DAP: variants seen among roughly 807,000 people sequenced by gnomAD.
DAP encodes death associated protein.
In DAP, 8 loss-of-function variants were observed where a neutral mutation model predicts 13.8. That is an observed-to-expected ratio of 0.58 (90% CI 0.34 to 1.05). The LOEUF (loss-of-function observed/expected upper bound fraction) is 1.05. DAP is among the 50% of genes least tolerant of loss of function. The pLI, the probability that DAP is intolerant of heterozygous loss-of-function variation, is 0.03. For missense variants in DAP, 106 were observed against 133.2 expected (o/e 0.80, Z 1.01); for synonymous variants, 47 against 47.5 (o/e 0.99, Z 0.04).
At chr5:10,759,045 G>A (rs1374786583) in intron 1 of DAP, among the ~76,000 whole-genome samples, 1 of 152,196 alleles carries the variant, frequency 6.6e-6, no homozygotes, top group Non-Finnish European at 1.5e-5. Context: ...AAATCAGCCA[G>A]GTGTGGTGGC....
chr5:10,693,164 GTA>G (rs1738349466), intron 2 of DAP, among the ~76,000 whole-genome samples: 3 of 150,854 alleles, frequency 2.0e-5, no homozygotes, highest in South Asian at 2.1e-4. Context: ...GTGCGTAGTA[GTA>G]GTGAAACTGG....
chr5:10,759,438 CA>C lies in DAP; in HGVS notation c.55+1575del, dbSNP rs374163475. ...CAGTTATCCTTAAAAGAAATCCCAT[CA>C]AAAAAAAAACTCCCTTTGAAGTACT... On this transcript the variant is annotated intron_variant, in intron 1 of 3. Coordinates refer to ENST00000230895, the MANE Select transcript of DAP (RefSeq NM_004394.3). Among the ~76,000 whole-genome samples the C allele has an allele frequency of 2.9e-3, 431 of 148,196 alleles. 2 individuals are homozygous for C. Among genetic ancestry groups the C allele is most frequent in the African/African-American group, 9.9e-3 (399 of 40,464 alleles).
chr5:10,750,095 C>T (rs1740009108), intron 1 of DAP, among the ~76,000 whole-genome samples: 1 of 152,146 alleles, frequency 6.6e-6, no homozygotes, highest in Non-Finnish European at 1.5e-5. Flanking sequence ...GTGGGCCTTA[C>T]TGAGCTTTAC....
chr5:10,680,750 T>G lies in DAP; in HGVS notation c.*306A>C. 6.5e-7 allele frequency: 1 copy of G among 1,536,488 alleles called. No individual in the cohort carries two copies. The highest frequency in any genetic ancestry group is 1.2e-5 in the South Asian group (1 of 84,064). ...GTTTTTAAGACCATAGACAAGGACG[T>G]CAGGTGACTGCTGAAATAGAACTAA... is the stretch of plus-strand genomic sequence containing the variant. On this transcript the variant is annotated 3_prime_UTR_variant, in exon 4 of 4. Transcript: ENST00000230895.
chr5:10,691,622 C>CT (rs1302339625), intron 2 of DAP, among the ~76,000 whole-genome samples: 1 of 152,198 alleles, frequency 6.6e-6, no homozygotes, highest in Non-Finnish European at 1.5e-5. Flanking sequence ...CTGACAGATG[C>CT]TGTTTTGAAG....
intron 1 of DAP, among the ~76,000 whole-genome samples, chr5:10,760,581 AACGCTGGCAGCCTCTAATTAATCATC>A (rs1160503525): frequency 1.3e-5 from 2 of 152,234 alleles, no homozygotes; most frequent in Non-Finnish European, 2.9e-5. Context: ...GTCGGTATGA[AACGCTGGCAGCCTCTAATTAATCATC>A]ACCATGATAT....
At chr5:10,745,102 G>C (rs1739867678) in intron 2 of DAP, among the ~76,000 whole-genome samples, 1 of 152,232 alleles carries the variant, frequency 6.6e-6, no homozygotes, top group South Asian at 2.1e-4. Context: ...AATGAGTGAT[G>C]ATGATGATTG....
chr5:10,692,617 ACT>A (rs1430571337), intron 2 of DAP, among the ~76,000 whole-genome samples: 1 of 151,766 alleles, frequency 6.6e-6, no homozygotes, highest in Non-Finnish European at 1.5e-5. Context: ...AAATTCCTTC[ACT>A]CTCTCAGCTA....
chr5:10,713,441 G>A (rs563066788), intron 2 of DAP, among the ~76,000 whole-genome samples: 1 of 152,306 alleles, frequency 6.6e-6, no homozygotes, highest in East Asian at 1.9e-4. Flanking sequence ...GGGAATGAGG[G>A]AGGCAGAAGA....
At chr5:10,735,760 T>C (rs1167072893) in intron 2 of DAP, among the ~76,000 whole-genome samples, 2 of 152,150 alleles carry the variant, frequency 1.3e-5, no homozygotes, top group Admixed American at 6.5e-5. Context: ...TCATTTGCCA[T>C]GTAAGCATCA....
At chr5:10,744,718 T>C (rs1365229790) in intron 2 of DAP, among the ~76,000 whole-genome samples, 1 of 152,216 alleles carries the variant, frequency 6.6e-6, no homozygotes, top group Non-Finnish European at 1.5e-5. Context: ...GCTTTCTTCG[T>C]CTCTATAATG....
rs201564455 is a variant in DAP, at chr5:10,730,573, C to T, written c.152+17602G>A. ...GGGGAATCTTTCTGTACTGAGAGCC[C>T]GGGTCAGGGGGAATCTTTCTGTACT... is the stretch of plus-strand genomic sequence containing the variant. On this transcript the variant is annotated intron_variant, in intron 2 of 3. Transcript: ENST00000230895. Among the ~76,000 whole-genome samples, 8 of 143,578 alleles carry T rather than the reference C, an allele frequency of 5.6e-5. No homozygotes were observed. In the East Asian group the frequency reaches 1.5e-3, roughly 26 times the overall value. 94.2% of individuals were successfully genotyped at this position (143,578 alleles called of 152,430 possible). A position where few individuals can be genotyped will look rare whatever the true frequency, so the allele number is the denominator to read the frequency against.
intron 2 of DAP, among the ~76,000 whole-genome samples, chr5:10,721,760 C>T (rs868168111): frequency 5.9e-5 from 9 of 152,226 alleles, no homozygotes; most frequent in South Asian, 2.1e-4. Flanking sequence ...ATACCAGCTA[C>T]GACCATGTGA....
intron 1 of DAP, among the ~76,000 whole-genome samples, chr5:10,758,247 G>A (rs1740244006): frequency 6.7e-6 from 1 of 149,544 alleles, no homozygotes; most frequent in Non-Finnish European, 1.5e-5. Context: ...CTTCAGAGCT[G>A]CCTACTCTCT....
intron 2 of DAP, among the ~76,000 whole-genome samples, chr5:10,684,355 A>G (rs573222551): frequency 6.6e-6 from 1 of 152,260 alleles, no homozygotes; most frequent in East Asian, 1.9e-4. Context: ...TCAATCCCTG[A>G]GCATTACAAA....
intron 2 of DAP, among the ~76,000 whole-genome samples, chr5:10,711,505 G>A (rs889510010): frequency 6.6e-5 from 10 of 152,328 alleles, no homozygotes; most frequent in African/African-American, 2.4e-4. Context: ...GGACACACGT[G>A]CACCTACCTC....
chr5:10,721,024 T>G (rs530605272), intron 2 of DAP, among the ~76,000 whole-genome samples: 135 of 152,206 alleles, frequency 8.9e-4, no homozygotes, highest in Admixed American at 3.0e-3. Context: ...AATTCACTGG[T>G]CTTACCATGT....
chr5:10,680,502 G>GTGCC lies in DAP; in HGVS notation c.*550_*553dup, dbSNP rs1561002551. On this transcript the variant is annotated 3_prime_UTR_variant, in exon 4 of 4. Transcript: ENST00000230895. ...CATGCTTTTTCGGCTTTTCTCATGG[G>GTGCC]TGCCTCATCAGCCTGCACAGGATCC... 3.0e-5 allele frequency: 17 copies of GTGCC among 557,820 alleles called. No individual in the cohort carries two copies. The allele number at this position is 557,820 out of a possible 1,614,324, so 34.6% of individuals were successfully genotyped here. A position where few individuals can be genotyped will look rare whatever the true frequency, so the allele number is the denominator to read the frequency against.
intron 1 of DAP, among the ~76,000 whole-genome samples, chr5:10,759,702 C>T (rs1740289462): frequency 6.6e-6 from 1 of 151,190 alleles, no homozygotes; most frequent in South Asian, 2.1e-4. Context: ...GCAGAGAATT[C>T]CCGCCCTATA....
Sources: allele counts gnomAD v4.1 joint callset (sites outside exome capture counted in the v4.1 genomes callset), GRCh38; gene constraint gnomAD v4.1.1; transcripts MANE v1.5; gene names NCBI Gene and HGNC (gene_info 2026-07-23, HGNC 2026-07-21).